Variants in NOP14 observed in about 807,000 individuals in gnomAD.
NOP14 encodes the protein NOP14 nucleolar protein.
NOP14 carries 57 observed loss-of-function variants against 101.6 expected under a neutral mutation model. That is an observed-to-expected ratio of 0.56 (90% CI 0.45 to 0.70). The LOEUF (loss-of-function observed/expected upper bound fraction) is 0.70. NOP14 is among the 30% of genes least tolerant of loss of function. NOP14 has a pLI of 0.00. For missense variants in NOP14, 1,134 were observed against 1,075.5 expected (o/e 1.05, Z -0.76); for synonymous variants, 428 against 424.0 (o/e 1.01, Z -0.12).
chr4:2,962,144 T>G (rs537032867), intron 1 of NOP14, among the ~76,000 whole-genome samples: 1 of 152,364 alleles, frequency 6.6e-6, no homozygotes, highest in African/African-American at 2.4e-5. Flanking sequence ...CTATGTGCTA[T>G]CTTACTTAAT....
rs1560295410 is a variant in NOP14 at position 2,942,260 on chromosome 4, C to T, written c.1983G>A (p.Gln661=). The change falls in exon 14 of 18, where the codon CAG becomes CAA. Residue 661 remains glutamine (Q), a synonymous_variant. Transcript: ENST00000416614. The part of the protein sequence containing the change: ...SAREDVATWQ[Q]SSLSLRWASR... ...TCGCCCAGCGGAGGGAGAGGCTGCTCTGCTGCCACGTGGCCACATCCTCTC... is the reference window on the plus strand; with the variant it reads ...TCGCCCAGCGGAGGGAGAGGCTGCTTTGCTGCCACGTGGCCACATCCTCTC... 1 of 1,614,060 alleles carries T rather than the reference C, an allele frequency of 6.2e-7. No homozygotes were observed. The highest frequency in any genetic ancestry group is 2.2e-5 in the East Asian group (1 of 44,870).
At chr4:2,961,260 A>ATAGTATATTAAT (rs1560312373) in intron 1 of NOP14, 404 of 144,890 alleles carry the variant, frequency 2.8e-3, no homozygotes, top group Middle Eastern at 0.011. Flanking sequence ...CTATATTAAT[A>ATAGTATATTAAT]ATATAGTTAG....
Position 2,945,207 on chromosome 4 carries a change from C to T in NOP14, c.1658G>A (p.Gly553Glu), listed in dbSNP as rs756419330. Residue 553 changes from glycine (G) to glutamate (E), a missense_variant, in exon 12 of 18, where the codon GGG (glycine) becomes GAG (glutamate). Gly to Glu is a moderately conservative substitution (Grantham distance 98). Coordinates refer to ENST00000416614, the MANE Select transcript of NOP14 (RefSeq NM_001291978.2). ...GAAGTCGGAAGTTGGAAATAGCAGC[C>T]CAGTGATTTTCAAATAAATGAGCTG... is the stretch of plus-strand genomic sequence containing the variant. The part of the protein sequence containing the change: ...LDVLIYLKIT[G>E]LLFPTSDFWH... The T allele has an allele frequency of 1.4e-5, 22 of 1,576,696 alleles. No homozygotes were observed. Among genetic ancestry groups the T allele is most frequent in the Admixed American group, 1.8e-5 (1 of 54,122 alleles).
Position 2,938,597 on chromosome 4 carries a change from C to T in NOP14, c.*234G>A. 1.9e-6 allele frequency: 1 copy of T among 530,614 alleles called. No homozygotes were observed. The highest frequency in any genetic ancestry group is 3.4e-5 in the East Asian group (1 of 29,416). The allele number at this position is 530,614 out of a possible 1,614,324, so 32.9% of individuals were successfully genotyped here. ...AATCACGGCTCACTGTAACCTTGGA[C>T]TCAGCTCAAGCAGTCCTCCTGCTTC... On this transcript the variant is annotated 3_prime_UTR_variant, in exon 18 of 18. Transcript: ENST00000416614.
chr4:2,945,412 C>G (rs971005784), intron 11 of NOP14, among the ~76,000 whole-genome samples, 183 bp from the exon 12 acceptor site: 10 of 152,282 alleles, frequency 6.6e-5, no homozygotes, highest in Admixed American at 2.0e-4. Context: ...ACCAGCTAAA[C>G]GTGCAGTGAG....
In NOP14 at chr4:2,956,806, A is replaced by T. The variant is rs1390284568; in HGVS notation, c.336T>A (p.His112Gln). 1 of 1,596,784 alleles carries T rather than the reference A, an allele frequency of 6.3e-7. No homozygotes were observed. Among genetic ancestry groups the T allele is most frequent in the East Asian group, 2.2e-5 (1 of 44,712 alleles). ...MKRFALEQQR[H>Q]HEKKSIYNLN... The stretch of plus-strand genomic sequence containing the variant: ...GATTGTAGATGCTTTTTTTCTCATG[A>T]TGTCGCTGACAGAAGAGAAAAAAAG... The change falls in exon 3 of 18, where the codon CAT (histidine) becomes CAA (glutamine). Residue 112 changes from histidine to glutamine, a missense_variant. Coordinates refer to ENST00000416614, the MANE Select transcript of NOP14 (RefSeq NM_001291978.2).
chr4:2,952,221 G>C lies in NOP14; in HGVS notation c.870+54C>G, dbSNP rs1008527167. The C allele has an allele frequency of 8.2e-6, 13 of 1,588,814 alleles. No individual in the cohort carries two copies. In the African/African-American group the frequency reaches 1.5e-4, roughly 18 times the overall value. ...GCCCATCCTGCAAAATGGAGCAGAAGGGGCTGTGGACGGACAGCAGCACAG... is the reference window on the plus strand; with the variant it reads ...GCCCATCCTGCAAAATGGAGCAGAACGGGCTGTGGACGGACAGCAGCACAG... On this transcript the variant is annotated intron_variant, in intron 6 of 17. Coordinates refer to ENST00000416614, the MANE Select transcript of NOP14 (RefSeq NM_001291978.2).
intron 1 of NOP14, among the ~76,000 whole-genome samples, chr4:2,959,471 T>C (rs1715573012): frequency 6.6e-6 from 1 of 152,028 alleles, no homozygotes. Flanking sequence ...CGGGCGCCTG[T>C]AGTCCCAGCT....
chr4:2,941,911 C>T (rs1025107571), intron 14 of NOP14, 182 bp from the exon 15 acceptor site: 12 of 719,460 alleles, frequency 1.7e-5, no homozygotes, highest in African/African-American at 1.3e-4. Context: ...TCAGGCCTAA[C>T]GCAGGAGGGG....
chr4:2,962,885 AC>A (rs1716190718), intron 1 of NOP14, among the ~76,000 whole-genome samples: 1 of 152,094 alleles, frequency 6.6e-6, no homozygotes, highest in Admixed American at 6.5e-5. Flanking sequence ...ACTCGGCCTG[AC>A]CCGGTTGGAG....
chr4:2,943,929 CAGAG>C (rs1560296957), intron 13 of NOP14, 140 bp downstream of exon 13: 2 of 669,108 alleles, frequency 3.0e-6, no homozygotes, highest in African/African-American at 3.7e-5. Context: ...CACGCTCACA[CAGAG>C]GGACAGACAG....
Position 2,954,459 on chromosome 4 carries a change from T to A in NOP14, c.577A>T (p.Ile193Phe), listed in dbSNP as rs878898546. Reference sequence around the variant, plus strand: ...TTTGACTTGGCAATGAGCTCTTCAATCAGCTCTTTCCGGGACTTCGGTTTC... The same window carrying A: ...TTTGACTTGGCAATGAGCTCTTCAAACAGCTCTTTCCGGGACTTCGGTTTC... ...REKPKSRKEL[I>F]EELIAKSKQE... Residue 193 changes from isoleucine to phenylalanine, a missense_variant, in exon 4 of 18, where the codon ATT (isoleucine) becomes TTT (phenylalanine). Ile to Phe is a conservative substitution (Grantham distance 21). Transcript: ENST00000416614. 1 of 1,614,070 alleles carries A rather than the reference T, an allele frequency of 6.2e-7. No individual in the cohort carries two copies. Among genetic ancestry groups the A allele is most frequent in the Admixed American group, 1.7e-5 (1 of 59,998 alleles).
Position 2,941,730 on chromosome 4 carries a change from C to CT in NOP14, c.2052-2dup. The CT allele has an allele frequency of 6.2e-7, 1 of 1,612,024 alleles. No homozygotes were observed. The highest frequency in any genetic ancestry group is 1.1e-5 in the South Asian group (1 of 90,424). ...CAGGCCCACAGCCAGGCAGGACAGT[C>CT]TGTGAGGGCAGGAGGCAAGAGGAGG... On this transcript the variant is annotated splice_acceptor_variant, in intron 14 of 17. Transcript: ENST00000416614. LOFTEE classifies it high-confidence loss of function.
chr4:2,938,202 T>C lies in NOP14; in HGVS notation c.*629A>G, dbSNP rs1426161501. The stretch of plus-strand genomic sequence containing the variant: ...GGGTGGGGGGAGCTGGAGGTTGGAA[T>C]CACACCAACATTATAGCATTATTAC... On this transcript the variant is annotated 3_prime_UTR_variant, in exon 18 of 18. Transcript: ENST00000416614. The C allele has an allele frequency of 2.3e-6, 3 of 1,288,806 alleles. No homozygotes were observed. Among genetic ancestry groups the C allele is most frequent in the Non-Finnish European group, 3.0e-6 (3 of 988,492 alleles). The allele number at this position is 1,288,806 out of a possible 1,614,324, so 79.8% of individuals were successfully genotyped here. A position where few individuals can be genotyped will look rare whatever the true frequency, so the allele number is the denominator to read the frequency against.
Position 2,963,324 on chromosome 4 carries a change from C to CGA in NOP14, c.-6_-5insTC, listed in dbSNP as rs764610047. The stretch of plus-strand genomic sequence containing the variant: ...GACCTTCTTCGCCTTCGCCATGGCG[C>CGA]GCGCCCCGCTGCGCCCAAGGGCCCG... On this transcript the variant is annotated 5_prime_UTR_variant, in exon 1 of 18. Transcript: ENST00000416614. 18 of 1,569,418 alleles carry CGA rather than the reference C, an allele frequency of 1.1e-5. No homozygotes were observed. Among genetic ancestry groups the CGA allele is most frequent in the Non-Finnish European group, 1.5e-5 (18 of 1,162,662 alleles).
chr4:2,958,029 T>C (rs1715469163), intron 1 of NOP14, among the ~76,000 whole-genome samples: 1 of 152,204 alleles, frequency 6.6e-6, no homozygotes, highest in Non-Finnish European at 1.5e-5. Flanking sequence ...AAGGCATGAA[T>C]GGCTCCCTCG....
intron 2 of NOP14, 95 bp from the exon 3 acceptor site, chr4:2,956,906 T>G: frequency 9.1e-7 from 1 of 1,103,216 alleles, no homozygotes; most frequent in Non-Finnish European, 1.3e-6. Context: ...CCATTATATT[T>G]GAAATATGAC....
chr4:2,960,462 T>C (rs899552282), intron 1 of NOP14, among the ~76,000 whole-genome samples: 2 of 152,056 alleles, frequency 1.3e-5, no homozygotes, highest in Admixed American at 6.6e-5. Flanking sequence ...ATACGTAATA[T>C]GAGTTATTCT....
intron 13 of NOP14, among the ~76,000 whole-genome samples, chr4:2,943,278 G>A (rs1714358281): frequency 6.6e-6 from 1 of 152,246 alleles, no homozygotes; most frequent in Non-Finnish European, 1.5e-5. Context: ...TGCTCCTCAG[G>A]TCAGTCCCCT....
Sources: gnomAD v4.1 joint callset for allele counts (sites outside exome capture counted in the v4.1 genomes callset) on GRCh38, gnomAD v4.1.1 for gene constraint, MANE v1.5 for transcripts, NCBI Gene and HGNC (gene_info 2026-07-23, HGNC 2026-07-21) for gene names.